Variants in PTCHD1 observed in about 807,000 individuals in gnomAD.
PTCHD1 encodes patched domain containing 1.
PTCHD1 carries 3 observed loss-of-function variants against 34.6 expected under a neutral mutation model. That is an observed-to-expected ratio of 0.09 (90% confidence interval 0.04 to 0.22). The LOEUF (loss-of-function observed/expected upper bound fraction) is 0.22. PTCHD1 is among the 10% of genes least tolerant of loss of function. The pLI, the probability that PTCHD1 is intolerant of heterozygous loss-of-function variation, is 1.00. For synonymous variants in PTCHD1, 305 were observed against 283.1 expected, an observed-to-expected ratio of 1.08 and a Z score of -0.77; for missense variants, 504 against 685.5, an observed-to-expected ratio of 0.74 and a Z score of 2.96.
chrX:23,392,478 C>T (rs1327028425), intron 2 of PTCHD1, 53 bp from the exon 3 acceptor site: 1 of 834,227 alleles, frequency 1.2e-6, no homozygotes, highest in Non-Finnish European at 1.8e-6. Flanking sequence ...TGATTTCCCT[C>T]TTAAGAGATT....
At position 23,404,341 on chromosome X, in the gene PTCHD1, A is replaced by C. The variant is rs1750331235; in HGVS notation, c.*10156A>C. ...ATGTGATGTTTTGATATATGTATGCATTGTGGAATGATTAAATCAAGCTAA... is the reference window on the plus strand; with the variant it reads ...ATGTGATGTTTTGATATATGTATGCCTTGTGGAATGATTAAATCAAGCTAA... On this transcript the variant is annotated 3_prime_UTR_variant, in exon 3 of 3. Coordinates refer to ENST00000379361, the MANE Select transcript of PTCHD1 (RefSeq NM_173495.3). 1 of 111,947 alleles carries C rather than the reference A, an allele frequency of 8.9e-6. No individual in the cohort carries two copies. Among genetic ancestry groups the C allele is most frequent in the African/African-American group, 3.2e-5 (1 of 30,813 alleles). The allele number at this position is 111,947 out of a possible 1,213,427, so 9.2% of individuals were successfully genotyped here. A position where few individuals can be genotyped will look rare whatever the true frequency, so the allele number is the denominator to read the frequency against.
intron 1 of PTCHD1, among the ~76,000 whole-genome samples, chrX:23,364,117 G>A (rs1191702197): frequency 1.8e-5 from 2 of 111,067 alleles, no homozygotes; most frequent in Non-Finnish European, 3.8e-5. Context: ...TGTATTCTAC[G>A]TGATTCCATT....
intron 1 of PTCHD1, among the ~76,000 whole-genome samples, chrX:23,347,658 C>T (rs535250676): frequency 1.8e-5 from 2 of 111,671 alleles, no homozygotes; most frequent in East Asian, 5.6e-4. Flanking sequence ...AAGGAAACAT[C>T]AAAATCAGAC....
chrX:23,393,027 T>C lies in PTCHD1; in HGVS notation c.1509T>C (p.Phe503=). 3.3e-6 allele frequency: 4 copies of C among 1,211,720 alleles called. No individual in the cohort carries two copies. Among genetic ancestry groups the C allele is most frequent in the Non-Finnish European group, 4.5e-6 (4 of 895,295 alleles). Residue 503 remains phenylalanine (F), a synonymous_variant, in exon 3 of 3, where the codon TTT becomes TTC. Transcript: ENST00000379361. ...TAACCAACACCTATGTCAAGCCTTTTGTAGTTCTCTTTTACCTTATTTATA... is the reference window on the plus strand; with the variant it reads ...TAACCAACACCTATGTCAAGCCTTTCGTAGTTCTCTTTTACCTTATTTATA... ...DWITNTYVKP[F]VVLFYLIYIS...
intron 2 of PTCHD1, among the ~76,000 whole-genome samples, chrX:23,386,028 ATCTGGTATATAGGAG>A (rs1922679406): frequency 9.0e-6 from 1 of 111,010 alleles, no homozygotes; most frequent in Non-Finnish European, 1.9e-5. Context: ...TGTGTATACT[ATCTGGTATATAGGAG>A]TCCAACATTT....
intron 1 of PTCHD1, among the ~76,000 whole-genome samples, chrX:23,358,029 G>A (rs1316518226): frequency 8.9e-6 from 1 of 111,787 alleles, no homozygotes; most frequent in Non-Finnish European, 1.9e-5. Context: ...TGGTGTATAT[G>A]TGCCACATTT....
intron 1 of PTCHD1, among the ~76,000 whole-genome samples, chrX:23,359,187 A>G (rs1164378539): frequency 2.7e-5 from 3 of 112,440 alleles, no homozygotes; most frequent in East Asian, 2.8e-4. Flanking sequence ...CTGTGAAGAA[A>G]GTCATTGGTA....
At chrX:23,348,599 A>C (rs1168009257) in intron 1 of PTCHD1, among the ~76,000 whole-genome samples, 1 of 111,338 alleles carries the variant, frequency 9.0e-6, no homozygotes, top group African/African-American at 3.3e-5. Context: ...GAATTACATT[A>C]GAGTTGTCAG....
At chrX:23,358,969 G>A (rs1180631640) in intron 1 of PTCHD1, among the ~76,000 whole-genome samples, 3 of 111,905 alleles carry the variant, frequency 2.7e-5, no homozygotes, top group East Asian at 2.8e-4. Context: ...GATGCGTGGT[G>A]TTATTTCTGA....
At chrX:23,361,017 T>C (rs1921966871) in intron 1 of PTCHD1, among the ~76,000 whole-genome samples, 1 of 112,099 alleles carries the variant, frequency 8.9e-6, no homozygotes, top group South Asian at 3.7e-4. Context: ...TGAGAGACAG[T>C]TGGTTGTGAT....
intron 1 of PTCHD1, among the ~76,000 whole-genome samples, chrX:23,355,536 A>G (rs1034510198): frequency 2.7e-5 from 3 of 113,043 alleles, no homozygotes; most frequent in African/African-American, 9.6e-5. Context: ...GATTTTAACA[A>G]TTATTTTAAG....
chrX:23,339,525 T>C (rs1438844014), intron 1 of PTCHD1, among the ~76,000 whole-genome samples: 2 of 112,682 alleles, frequency 1.8e-5, no homozygotes. Flanking sequence ...ATACATTAAA[T>C]AGAATTAAGT....
chrX:23,387,010 G>A (rs1318083451), intron 2 of PTCHD1, among the ~76,000 whole-genome samples: 1 of 111,772 alleles, frequency 8.9e-6, no homozygotes, highest in Non-Finnish European at 1.9e-5. Flanking sequence ...TTGTGGCTAT[G>A]TATACTGGGA....
At chrX:23,338,255 C>A (rs73632083) in intron 1 of PTCHD1, among the ~76,000 whole-genome samples, 17,753 of 111,477 alleles carry the variant, frequency 0.16, 1,253 homozygotes, top group African/African-American at 0.25. Context: ...AACCTCTTTA[C>A]ATACATGCTG....
intron 2 of PTCHD1, among the ~76,000 whole-genome samples, chrX:23,385,554 T>G (rs1922667280): frequency 9.0e-6 from 1 of 111,561 alleles, no homozygotes; most frequent in Non-Finnish European, 1.9e-5. Flanking sequence ...GAGAAATACC[T>G]AGTATCTACA....
Position 23,402,036 on chromosome X carries a change from C to A in PTCHD1, c.*7851C>A, listed in dbSNP as rs1455872468. 1 of 111,948 alleles carries A rather than the reference C, an allele frequency of 8.9e-6. No homozygotes were observed. Among genetic ancestry groups the A allele is most frequent in the East Asian group, 2.8e-4 (1 of 3,588 alleles). The allele number at this position is 111,948 out of a possible 1,213,427, so 9.2% of individuals were successfully genotyped here. On this transcript the variant is annotated 3_prime_UTR_variant, in exon 3 of 3. Transcript: ENST00000379361. The stretch of plus-strand genomic sequence containing the variant: ...TTATTTAGAATATTTGCTTGGTGAT[C>A]CAGAGAAGGGGGAAAGAAGTGGTGA...
chrX:23,354,573 C>CT (rs1205812443), intron 1 of PTCHD1, among the ~76,000 whole-genome samples: 8,953 of 86,527 alleles, frequency 0.1, 1,119 homozygotes, highest in African/African-American at 0.31. Context: ...AGGTGAAATT[C>CT]TTTTTTTTTT....
rs34539351 is a variant in PTCHD1, at chrX:23,394,409, GACACAC to G, written c.*261_*266del. Reference sequence around the variant, plus strand: ...TGTTATGAGAATTCACACACACATAGACACACACACACACACACACACACACACACA... The same window carrying G: ...TGTTATGAGAATTCACACACACATAGACACACACACACACACACACACACA... On this transcript the variant is annotated 3_prime_UTR_variant, in exon 3 of 3. Coordinates refer to ENST00000379361, the MANE Select transcript of PTCHD1 (RefSeq NM_173495.3). 0.021 allele frequency: 4,232 copies of G among 198,940 alleles called. 52 individuals carry two copies. Among genetic ancestry groups the G allele is most frequent in the East Asian group, 0.11 (1,049 of 9,803 alleles). The allele number at this position is 198,940 out of a possible 1,213,427, so 16.4% of individuals were successfully genotyped here. A position where few individuals can be genotyped will look rare whatever the true frequency, so the allele number is the denominator to read the frequency against.
rs756356097 is a variant in PTCHD1 at position 23,395,723 on chromosome X, A to G, written c.*1538A>G. 2.7e-5 allele frequency: 3 copies of G among 112,348 alleles called. No individual in the cohort carries two copies. The highest frequency in any genetic ancestry group is 9.7e-5 in the African/African-American group (3 of 30,881). The allele number at this position is 112,348 out of a possible 1,213,427, so 9.3% of individuals were successfully genotyped here. On this transcript the variant is annotated 3_prime_UTR_variant, in exon 3 of 3. Coordinates refer to ENST00000379361, the MANE Select transcript of PTCHD1 (RefSeq NM_173495.3). ...ATAAAAATGAAGCTAAAACCTGGTT[A>G]CATTTGAAGCAAATATCTACAGTAT...
Sources: gnomAD v4.1 joint callset for allele counts (sites outside exome capture counted in the v4.1 genomes callset) on GRCh38, gnomAD v4.1.1 for gene constraint, MANE v1.5 for transcripts, NCBI Gene and HGNC (gene_info 2026-07-23, HGNC 2026-07-21) for gene names.